The following ZNF565 variants were observed in gnomAD, a reference collection of about 807,000 sequenced individuals.
ZNF565 encodes zinc finger protein 565.
Under a neutral mutation model 39.4 loss-of-function variants are expected in ZNF565, and 27 were observed. The observed-to-expected ratio is 0.69, with a 90% CI of 0.51 to 0.95. ZNF565 has a LOEUF of 0.95. ZNF565 is among the 40% of genes least tolerant of loss of function. The probability of loss-of-function intolerance (pLI) is 0.00; values close to 1 mark genes in which losing one functional copy is unlikely to be tolerated. For synonymous variants in ZNF565, 185 were observed against 216.6 expected (o/e 0.85, Z 1.28); for missense variants, 524 against 621.1 (o/e 0.84, Z 1.66).
chr19:36,220,895 A>T (rs980441459), intron 1 of ZNF565, among the ~76,000 whole-genome samples: 5 of 149,126 alleles, frequency 3.4e-5, no homozygotes, highest in African/African-American at 1.3e-4. Context: ...TCTTTTGCCC[A>T]GGGCAGAGTG....
At chr19:36,220,112 G>A (rs548234820) in intron 1 of ZNF565, among the ~76,000 whole-genome samples, 3 of 152,214 alleles carry the variant, frequency 2.0e-5, no homozygotes, top group African/African-American at 7.2e-5. Flanking sequence ...CTTCCTCCCA[G>A]ACTTGGAATT....
At chr19:36,237,239 C>T in intron 1 of ZNF565, 1 of 1,614,050 alleles carries the variant, frequency 6.2e-7, no homozygotes, top group Non-Finnish European at 8.5e-7. Context: ...AGGTAAGAAG[C>T]CTTATCAGTG....
At chr19:36,215,289 G>C (rs1047143534), upstream of ZNF565, 15 of 152,384 alleles carry the variant, frequency 9.8e-5, no homozygotes, top group African/African-American at 3.1e-4. Context: ...CAGGGAGTGG[G>C]TGTAAGAGCT....
chr19:36,241,484 TA>T (rs34534450), intron 1 of ZNF565, among the ~76,000 whole-genome samples: 35,180 of 109,388 alleles, frequency 0.32, 4,946 homozygotes, highest in African/African-American at 0.37. Flanking sequence ...GACTCTGTAT[TA>T]AAAAAAAAAA....
At chr19:36,207,120 G>A (rs192337509) in intron 1 of ZNF565, among the ~76,000 whole-genome samples, 12 of 152,302 alleles carry the variant, frequency 7.9e-5, no homozygotes, top group Admixed American at 2.6e-4. Flanking sequence ...GAGACGAAGA[G>A]GGTCAGAGAG....
intron 1 of ZNF565, among the ~76,000 whole-genome samples, chr19:36,234,264 G>C (rs1306355231): frequency 6.6e-6 from 1 of 152,140 alleles, no homozygotes. Context: ...GAACAAAATG[G>C]AGTCTCTTAT....
chr19:36,205,284 T>G (rs375281871), intron 1 of ZNF565, among the ~76,000 whole-genome samples: 6 of 152,126 alleles, frequency 3.9e-5, no homozygotes, highest in South Asian at 2.1e-4. Context: ...TCCCAGCACT[T>G]TGGGAGGCCG....
upstream of ZNF565, among the ~76,000 whole-genome samples, chr19:36,216,096 A>C (rs573543665): frequency 6.6e-6 from 1 of 152,342 alleles, no homozygotes; most frequent in African/African-American, 2.4e-5. Flanking sequence ...TAAATAAAGT[A>C]ATTGGGTACC....
chr19:36,228,029 A>G (rs908186732), intron 1 of ZNF565, among the ~76,000 whole-genome samples: 9 of 151,970 alleles, frequency 5.9e-5, no homozygotes, highest in Non-Finnish European at 8.8e-5. Flanking sequence ...GTGTGGTGGT[A>G]CACACCCATA....
chr19:36,216,264 C>G (rs1349708428), upstream of ZNF565, among the ~76,000 whole-genome samples: 1 of 152,138 alleles, frequency 6.6e-6, no homozygotes, highest in South Asian at 2.1e-4. Flanking sequence ...TAAAATACTA[C>G]TAAGGGGCAT....
intron 1 of ZNF565, among the ~76,000 whole-genome samples, chr19:36,214,349 C>A (rs567013698): frequency 9.2e-5 from 14 of 152,138 alleles, no homozygotes; most frequent in African/African-American, 3.1e-4. Context: ...ACAGGGCGAA[C>A]AGGCCACATA....
intron 1 of ZNF565, among the ~76,000 whole-genome samples, chr19:36,232,457 G>T (rs373196035): frequency 1.3e-5 from 2 of 152,120 alleles, no homozygotes; most frequent in East Asian, 3.9e-4. Context: ...CATGGTTTTA[G>T]ATTTTGCCGT....
intron 2 of ZNF565, among the ~76,000 whole-genome samples, chr19:36,197,132 C>T (rs1453466962): frequency 6.6e-6 from 1 of 151,304 alleles, no homozygotes; most frequent in African/African-American, 2.4e-5. Flanking sequence ...ATTAGCCAGG[C>T]GTGGTAGTGC....
rs142095465 is a variant in ZNF565, at chr19:36,183,671, A to C, written c.295T>G (p.Trp99Gly). The stretch of plus-strand genomic sequence containing the variant: ...CATTTAAGGCTTTCCATTATCTCCC[A>C]GTTGAATGCCCCGATTTCAAAAATG... Reference protein sequence around the residue: ...KDIFEIGAFNWEIMESLKCSD... With the variant: ...KDIFEIGAFNGEIMESLKCSD... Residue 99 changes from tryptophan (W) to glycine (G), a missense_variant, in exon 5 of 5, where the codon TGG becomes GGG. Coordinates refer to ENST00000304116, the MANE Select transcript of ZNF565 (RefSeq NM_152477.5). 6 of 1,613,802 alleles carry C rather than the reference A, an allele frequency of 3.7e-6. No homozygotes were observed. The highest frequency in any genetic ancestry group is 4.2e-6 in the Non-Finnish European group (5 of 1,179,794).
At position 36,195,107 on chromosome 19, in the gene ZNF565, C is replaced by T. The variant is rs1599925026; in HGVS notation, c.59G>A (p.Trp20Ter). ...CCTCTGAGCAGGTTCCAGGCACTTC[C>T]ATTCTTCCAGAGAGAACTCTATGGC... The part of the protein sequence containing the change: ...DVAIEFSLEE[W>*]KCLEPAQRDL... The change falls in exon 3 of 5, where the codon TGG (tryptophan) becomes TAG (stop). Residue 20 changes from tryptophan (W) to a stop codon, truncating the protein, a stop_gained. Transcript: ENST00000304116. LOFTEE classifies it high-confidence loss of function. The T allele has an allele frequency of 1.9e-6, 3 of 1,614,176 alleles. No individual in the cohort carries two copies. Among genetic ancestry groups the T allele is most frequent in the Non-Finnish European group, 2.5e-6 (3 of 1,180,042 alleles).
At chr19:36,185,413 C>CA (rs964502449) in intron 4 of ZNF565, among the ~76,000 whole-genome samples, 650 of 56,908 alleles carry the variant, frequency 0.011, 2 homozygotes, top group African/African-American at 0.02. Context: ...AACTCTGTCT[C>CA]AAAAAAAAAA....
At chr19:36,198,756 G>C (rs138738010) in intron 2 of ZNF565, among the ~76,000 whole-genome samples, 2,224 of 152,008 alleles carry the variant, frequency 0.015, 52 homozygotes, top group African/African-American at 0.05. Context: ...CCACCACCAC[G>C]CCCAGCTAAT....
intron 1 of ZNF565, among the ~76,000 whole-genome samples, chr19:36,222,098 T>C (rs1976872708): frequency 6.6e-6 from 1 of 151,982 alleles, no homozygotes; most frequent in South Asian, 2.1e-4. Context: ...CCTGGCTTTT[T>C]TACTTTTTGT....
At chr19:36,197,412 CA>C (rs1975802563) in intron 2 of ZNF565, among the ~76,000 whole-genome samples, 2 of 152,004 alleles carry the variant, frequency 1.3e-5, no homozygotes, top group African/African-American at 4.8e-5. Context: ...GTGGAGGTTG[CA>C]GTGAGCTGAG....
Sources: gnomAD v4.1 joint callset for allele counts (sites outside exome capture counted in the v4.1 genomes callset) on GRCh38, gnomAD v4.1.1 for gene constraint, MANE v1.5 for transcripts, NCBI Gene and HGNC (gene_info 2026-07-23, HGNC 2026-07-21) for gene names.